Variants in UGT1A8 observed in about 807,000 individuals in gnomAD.
UGT1A8 encodes the protein UDP glucuronosyltransferase family 1 member A8, also known as UDP-glucuronosyltransferase 1A8.
A neutral mutation model predicts 45.3 loss-of-function variants in UGT1A8; 39 were observed. That is an observed-to-expected ratio of 0.86 (90% confidence interval 0.67 to 1.12). UGT1A8 has a LOEUF of 1.12. UGT1A8 is among the 50% of genes most tolerant of loss of function. The pLI is 0.00. For missense variants in UGT1A8, 719 were observed against 664.9 expected, an observed-to-expected ratio of 1.08 and a Z score of -0.90; for synonymous variants, 275 against 249.2, an observed-to-expected ratio of 1.10 and a Z score of -0.97.
At chr2:233,754,618 C>T (rs1695535805) in intron 1 of UGT1A8, 1 of 438,776 alleles carries the variant, frequency 2.3e-6, no homozygotes, top group Admixed American at 2.6e-5. Context: ...CCATCTTCCT[C>T]CACTTCCACC....
At chr2:233,731,500 G>A (rs2078170361) in intron 1 of UGT1A8, among the ~76,000 whole-genome samples, 1 of 152,036 alleles carries the variant, frequency 6.6e-6, no homozygotes. Context: ...TGTTCTTGCT[G>A]TTCAGTTCCC....
chr2:233,629,062 G>T (rs535638185), intron 1 of UGT1A8, among the ~76,000 whole-genome samples: 3 of 152,042 alleles, frequency 2.0e-5, no homozygotes, highest in African/African-American at 7.2e-5. Flanking sequence ...TTCATCTCTA[G>T]AACTCGCTTC....
intron 1 of UGT1A8, chr2:233,682,884 T>C (rs1375175448): frequency 6.6e-7 from 1 of 1,512,312 alleles, no homozygotes; most frequent in Non-Finnish European, 8.8e-7. Flanking sequence ...TTTACATTTG[T>C]CCCATTTGGA....
At chr2:233,724,345 C>CT (rs2077231135) in intron 1 of UGT1A8, among the ~76,000 whole-genome samples, 1 of 148,054 alleles carries the variant, frequency 6.8e-6, no homozygotes, top group African/African-American at 2.5e-5. Context: ...GGCTGACCCC[C>CT]CCCACCTCCC....
chr2:233,727,332 T>C (rs2077605990), intron 1 of UGT1A8, among the ~76,000 whole-genome samples: 1 of 152,122 alleles, frequency 6.6e-6, no homozygotes, highest in South Asian at 2.1e-4. Flanking sequence ...CAGGAGCTCC[T>C]CCCTCCCCAT....
intron 1 of UGT1A8, among the ~76,000 whole-genome samples, chr2:233,735,786 T>C (rs1470873966): frequency 1.3e-5 from 2 of 152,218 alleles, no homozygotes; most frequent in Non-Finnish European, 2.9e-5. Context: ...TTTGGCTGCA[T>C]ATGAATTTCT....
intron 1 of UGT1A8, among the ~76,000 whole-genome samples, chr2:233,661,913 A>G (rs2073979139): frequency 6.6e-6 from 1 of 151,798 alleles, no homozygotes; most frequent in African/African-American, 2.4e-5. Context: ...ATGCATGAGA[A>G]CTGTGAGATC....
intron 1 of UGT1A8, among the ~76,000 whole-genome samples, chr2:233,695,477 T>C (rs1393026251): frequency 6.6e-6 from 1 of 151,978 alleles, no homozygotes; most frequent in African/African-American, 2.4e-5. Context: ...CTTTAGATGT[T>C]TTTCTCTTTT....
At chr2:233,745,011 G>A (rs1692986382) in intron 1 of UGT1A8, among the ~76,000 whole-genome samples, 1 of 151,810 alleles carries the variant, frequency 6.6e-6, no homozygotes, top group South Asian at 2.1e-4. Flanking sequence ...CCTAATAAAT[G>A]TAAATGCTAT....
At chr2:233,735,687 T>C (rs1251778606) in intron 1 of UGT1A8, among the ~76,000 whole-genome samples, 1 of 152,148 alleles carries the variant, frequency 6.6e-6, no homozygotes, top group African/African-American at 2.4e-5. Flanking sequence ...CTTTAGGAGC[T>C]CTTGTAAGGC....
chr2:233,706,576 G>A (rs550781896), intron 1 of UGT1A8, among the ~76,000 whole-genome samples: 1 of 152,280 alleles, frequency 6.6e-6, no homozygotes, highest in African/African-American at 2.4e-5. Context: ...GGGTAAGAGT[G>A]GAGATGGGAG....
At chr2:233,705,012 T>A (rs544165304) in intron 1 of UGT1A8, among the ~76,000 whole-genome samples, 126 of 152,168 alleles carry the variant, frequency 8.3e-4, no homozygotes, top group Non-Finnish European at 1.5e-3. Flanking sequence ...GGCAGGCGCC[T>A]GTAATCCCAG....
intron 1 of UGT1A8, chr2:233,755,460 GCT>G (rs1695928623): frequency 3.6e-6 from 1 of 281,062 alleles, no homozygotes. Flanking sequence ...GACTGGCCCT[GCT>G]CTCTGTGAGG....
chr2:233,710,696 G>A (rs2076143599), intron 1 of UGT1A8, among the ~76,000 whole-genome samples: 1 of 152,172 alleles, frequency 6.6e-6, no homozygotes, highest in South Asian at 2.1e-4. Context: ...CTTCTGGTGT[G>A]TGGTGTCCTT....
intron 1 of UGT1A8, chr2:233,636,731 T>C: frequency 6.2e-7 from 1 of 1,614,178 alleles, no homozygotes. Context: ...GAAAGATCAC[T>C]GAATTGCACA....
chr2:233,730,275 C>T (rs2078008384), intron 1 of UGT1A8, among the ~76,000 whole-genome samples: 1 of 152,142 alleles, frequency 6.6e-6, no homozygotes, highest in Admixed American at 6.5e-5. Flanking sequence ...TTTGTAAAGG[C>T]ACCATCTTCA....
At chr2:233,693,856 C>G (rs1229039578) in intron 1 of UGT1A8, 10 of 1,614,076 alleles carry the variant, frequency 6.2e-6, no homozygotes, top group African/African-American at 1.3e-5. Context: ...AGAGGAAAGA[C>G]TTGTCTCAGG....
intron 1 of UGT1A8, chr2:233,719,094 G>C (rs376370143): frequency 8.7e-6 from 14 of 1,614,082 alleles, no homozygotes; most frequent in Admixed American, 1.7e-5. Flanking sequence ...ATTTGATCGC[G>C]TTACGCTGGG....
At chr2:233,650,739 C>A (rs1298352370) in intron 1 of UGT1A8, among the ~76,000 whole-genome samples, 2 of 152,126 alleles carry the variant, frequency 1.3e-5, no homozygotes, top group African/African-American at 4.8e-5. Flanking sequence ...TTTTTTCCAA[C>A]TGATGTCCTA....
Sources: allele counts gnomAD v4.1 joint callset (sites outside exome capture counted in the v4.1 genomes callset), GRCh38; gene constraint gnomAD v4.1.1; transcripts MANE v1.5; gene names NCBI Gene and HGNC (gene_info 2026-07-23, HGNC 2026-07-21).